The following MINAR1 variants were observed in gnomAD, a reference collection of about 807,000 sequenced individuals.
The protein encoded by MINAR1 is membrane integral NOTCH2 associated receptor 1, also known as major intrinsically disordered Notch2-binding receptor 1.
Under a neutral mutation model 65.1 loss-of-function variants are expected in MINAR1, and 40 were observed. The observed-to-expected ratio is 0.61, with a 90% confidence interval of 0.48 to 0.80. The LOEUF (loss-of-function observed/expected upper bound fraction) is 0.80. MINAR1 is among the 30% of genes least tolerant of loss of function. The pLI, the probability that MINAR1 is intolerant of heterozygous loss-of-function variation, is 0.00. For missense variants in MINAR1, 1,128 were observed against 1,148.0 expected (o/e 0.98, Z 0.25); for synonymous variants, 482 against 449.1 (o/e 1.07, Z -0.93).
Position 79,465,047 on chromosome 15 carries a change from C to T in MINAR1, c.2553+1726C>T, listed in dbSNP as rs577435053. Among the ~76,000 whole-genome samples, 25 of 152,292 alleles carry T rather than the reference C, an allele frequency of 1.6e-4. No homozygotes were observed. In the East Asian group the frequency reaches 4.4e-3, roughly 27 times the overall value. On this transcript the variant is annotated intron_variant, in intron 3 of 3. Transcript: ENST00000305428. ...CCCCCTACAGATATGTGAGCTTTTA[C>T]TGCACCAGTGTTTATAAGCATAAAG... is the stretch of plus-strand genomic sequence containing the variant.
intron 1 of MINAR1, among the ~76,000 whole-genome samples, chr15:79,441,166 CTTT>C (rs1894857186): frequency 1.3e-5 from 2 of 152,060 alleles, no homozygotes; most frequent in African/African-American, 2.4e-5. Flanking sequence ...ATCCTTTCTT[CTTT>C]ATTTTTTATT....
Position 79,457,378 on chromosome 15 carries a change from C to T in MINAR1, c.1231C>T (p.Arg411Cys), listed in dbSNP as rs148542288. The change falls in exon 2 of 4, where the codon CGC becomes TGC. Residue 411 changes from arginine to cysteine, a missense_variant. Coordinates refer to ENST00000305428, the MANE Select transcript of MINAR1 (RefSeq NM_015206.3). ...QTPNFPAPER[R>C]PTYLVPKDQQ... Reference sequence around the variant, plus strand: ...CCCCAATTTCCCAGCCCCAGAAAGGCGCCCAACTTACCTTGTGCCAAAGGA... The same window carrying T: ...CCCCAATTTCCCAGCCCCAGAAAGGTGCCCAACTTACCTTGTGCCAAAGGA... 75 of 1,614,048 alleles carry T rather than the reference C, an allele frequency of 4.6e-5. No individual in the cohort carries two copies. The highest frequency in any genetic ancestry group is 1.0e-4 in the Admixed American group (6 of 60,008).
Position 79,457,063 on chromosome 15 carries a change from A to T in MINAR1, c.916A>T (p.Met306Leu), listed in dbSNP as rs149759773. ...ACCCTTCTTCAACCACAGCTTTGAA[A>T]TGCCCTATAACAGCCAGTACCTGAA... The part of the protein sequence containing the change: ...KPPFFNHSFE[M>L]PYNSQYLNPV... Residue 306 changes from methionine to leucine, a missense_variant, in exon 2 of 4, where the codon ATG becomes TTG. Met to Leu is a conservative substitution (Grantham distance 15). Coordinates refer to ENST00000305428, the MANE Select transcript of MINAR1 (RefSeq NM_015206.3). 204 of 1,614,182 alleles carry T rather than the reference A, an allele frequency of 1.3e-4. No homozygotes were observed. The East Asian group carries it at 4.5e-3, about 35-fold the overall frequency.
At position 79,468,258 on chromosome 15, in the gene MINAR1, A is replaced by G. The variant is rs764353820; in HGVS notation, c.2625A>G (p.Ser875=). 1 of 1,613,996 alleles carries G rather than the reference A, an allele frequency of 6.2e-7. No homozygotes were observed. Among genetic ancestry groups the G allele is most frequent in the Non-Finnish European group, 8.5e-7 (1 of 1,179,884 alleles). The stretch of plus-strand genomic sequence containing the variant: ...ACATTTATACTCCAGGATACGATTC[A>G]TTACTAAAACGTAAAGAAGCCGAAT... ...MEDIYTPGYD[S]LLKRKEAEFR... is the part of the protein sequence containing the mutation. Residue 875 remains serine (S), a synonymous_variant, in exon 4 of 4, where the codon TCA becomes TCG. Transcript: ENST00000305428.
At chr15:79,445,541 G>A (rs1426592512) in intron 1 of MINAR1, among the ~76,000 whole-genome samples, 1 of 135,612 alleles carries the variant, frequency 7.4e-6, no homozygotes, top group Non-Finnish European at 1.5e-5. Context: ...AAATCTTTCT[G>A]TGACAGTTAT....
At position 79,463,251 on chromosome 15, in the gene MINAR1, C is replaced by T. The variant is rs146506753; in HGVS notation, c.2483C>T (p.Pro828Leu). Reference protein sequence around the residue: ...TELAEVKRGQPSWTIEEYARN... With the variant: ...TELAEVKRGQLSWTIEEYARN... Reference sequence around the variant, plus strand: ...TTGGCCGAGGTGAAGCGGGGCCAACCTTCTTGGACCATTGAGGAGTATGCA... The same window carrying T: ...TTGGCCGAGGTGAAGCGGGGCCAACTTTCTTGGACCATTGAGGAGTATGCA... The change falls in exon 3 of 4, where the codon CCT (proline) becomes CTT (leucine). Residue 828 changes from proline (P) to leucine (L), a missense_variant. Coordinates refer to ENST00000305428, the MANE Select transcript of MINAR1 (RefSeq NM_015206.3). 2.2e-3 allele frequency: 3,561 copies of T among 1,614,216 alleles called. 19 individuals are homozygous for T. The highest frequency in any genetic ancestry group is 1.9e-3 in the Non-Finnish European group (2,234 of 1,180,040).
intron 1 of MINAR1, among the ~76,000 whole-genome samples, chr15:79,444,399 A>G (rs1203777058): frequency 6.6e-6 from 1 of 151,992 alleles, no homozygotes; most frequent in East Asian, 1.9e-4. Context: ...TTTAGGTTTC[A>G]TTGATGGTAA....
intron 3 of MINAR1, among the ~76,000 whole-genome samples, chr15:79,466,789 C>T (rs1318441009): frequency 6.6e-6 from 1 of 152,162 alleles, no homozygotes; most frequent in East Asian, 1.9e-4. Flanking sequence ...TGGTGAAGCA[C>T]CCAGAGACCA....
At chr15:79,429,145 A>G (rs1894384213), upstream of MINAR1, among the ~76,000 whole-genome samples, 2 of 152,232 alleles carry the variant, frequency 1.3e-5, no homozygotes, top group Admixed American at 6.5e-5. Flanking sequence ...GAAGGATTTG[A>G]TTAATGATAC....
chr15:79,453,156 C>T (rs1895293513), intron 1 of MINAR1, among the ~76,000 whole-genome samples: 1 of 152,062 alleles, frequency 6.6e-6, no homozygotes, highest in Admixed American at 6.5e-5. Context: ...TGGGGAATGT[C>T]CGTGCCCCCC....
intron 3 of MINAR1, 36 bp downstream of exon 3, chr15:79,463,357 A>C (rs372007982): frequency 3.1e-6 from 5 of 1,602,950 alleles, no homozygotes; most frequent in Non-Finnish European, 4.3e-6. Flanking sequence ...GGGGAAGCCC[A>C]GCTGTGCCCT....
intron 3 of MINAR1, among the ~76,000 whole-genome samples, chr15:79,466,519 T>G (rs893794686): frequency 6.6e-6 from 1 of 152,132 alleles, no homozygotes; most frequent in Non-Finnish European, 1.5e-5. Flanking sequence ...CATAAAATAT[T>G]CTTTTGATTT....
chr15:79,469,863 G>GATATAATAA lies in MINAR1; in HGVS notation c.*1482_*1490dup, dbSNP rs1409583863. The GATATAATAA allele has an allele frequency of 6.6e-6, 1 of 152,476 alleles. No homozygotes were observed. 9.4% of individuals were successfully genotyped at this position (152,476 alleles called of 1,614,324 possible). A position where few individuals can be genotyped will look rare whatever the true frequency, so the allele number is the denominator to read the frequency against. ...GGTAGCAAGTGTAATCACTCCGTATGATATAATAAATTTCTAAAAGATTTG... is the reference window on the plus strand; with the variant it reads ...GGTAGCAAGTGTAATCACTCCGTATGATATAATAAATATAATAAATTTCTAAAAGATTTG... On this transcript the variant is annotated 3_prime_UTR_variant, in exon 4 of 4. Transcript: ENST00000305428.
chr15:79,443,302 A>C lies in MINAR1; in HGVS notation c.-51+10762A>C, dbSNP rs181249856. 3.6e-4 allele frequency among the ~76,000 whole-genome samples: 55 copies of C among 152,304 alleles called. 1 individual carries two copies. Among genetic ancestry groups the C allele is most frequent in the Non-Finnish European group, 2.9e-5 (2 of 68,016 alleles). ...AGAAGCTGCCACTTGGGGTAAGTAGAATCTGTGCCTGGTCCCTTGATAAGA... is the reference window on the plus strand; with the variant it reads ...AGAAGCTGCCACTTGGGGTAAGTAGCATCTGTGCCTGGTCCCTTGATAAGA... On this transcript the variant is annotated intron_variant, in intron 1 of 3. Coordinates refer to ENST00000305428, the MANE Select transcript of MINAR1 (RefSeq NM_015206.3).
In MINAR1 at chr15:79,470,844, C is replaced by T. The variant is rs1338667407; in HGVS notation, c.*2460C>T. On this transcript the variant is annotated 3_prime_UTR_variant, in exon 4 of 4. Transcript: ENST00000305428. ...GGTTTCTCTGGAAAGGGGTCATCCT[C>T]AGTCTGATAATACCAAGTCTGACGC... 2.0e-5 allele frequency: 3 copies of T among 152,192 alleles called. No individual in the cohort carries two copies. The highest frequency in any genetic ancestry group is 6.5e-5 in the Admixed American group (1 of 15,284). 9.4% of individuals were successfully genotyped at this position (152,192 alleles called of 1,614,324 possible).
chr15:79,435,633 A>C (rs1894578286), intron 1 of MINAR1, among the ~76,000 whole-genome samples: 2 of 152,208 alleles, frequency 1.3e-5, no homozygotes, highest in African/African-American at 4.8e-5. Flanking sequence ...GTGCTTAGTG[A>C]ATGCTTATTG....
chr15:79,425,654 C>T, the MINAR1 span: 1 of 152,134 alleles, frequency 6.6e-6, no homozygotes, highest in Non-Finnish European at 1.5e-5. Flanking sequence ...ATCCAGGAAT[C>T]CTTGAGCATT....
At chr15:79,443,761 A>G (rs1335749908) in intron 1 of MINAR1, among the ~76,000 whole-genome samples, 1 of 152,210 alleles carries the variant, frequency 6.6e-6, no homozygotes, top group Non-Finnish European at 1.5e-5. Context: ...AAAGTGTTTG[A>G]TAACAGTTTT....
rs929511568 is a variant in MINAR1 at position 79,469,490 on chromosome 15, A to T, written c.*1106A>T. 2.0e-5 allele frequency: 3 copies of T among 152,530 alleles called. No individual in the cohort carries two copies. Among genetic ancestry groups the T allele is most frequent in the South Asian group, 2.1e-4 (1 of 4,832 alleles). The allele number at this position is 152,530 out of a possible 1,614,324, so 9.4% of individuals were successfully genotyped here. A position where few individuals can be genotyped will look rare whatever the true frequency, so the allele number is the denominator to read the frequency against. On this transcript the variant is annotated 3_prime_UTR_variant, in exon 4 of 4. Transcript: ENST00000305428. ...CAACACCTACTCCAGAGTTTTGAAT[A>T]CTTGTCAGCAGTGCAAAAAATATTA...
Sources: gnomAD v4.1 joint callset for allele counts (sites outside exome capture counted in the v4.1 genomes callset) on GRCh38, gnomAD v4.1.1 for gene constraint, MANE v1.5 for transcripts, NCBI Gene and HGNC (gene_info 2026-07-23, HGNC 2026-07-21) for gene names.